The following EXOC6 variants were observed in gnomAD, a reference collection of about 807,000 sequenced individuals.
EXOC6 encodes exocyst complex component 6.
Under a neutral mutation model 112.5 loss-of-function variants are expected in EXOC6, and 60 were observed. The observed-to-expected ratio is 0.53, with a 90% CI of 0.43 to 0.66. EXOC6 has a LOEUF of 0.66. Among genes scored for constraint, EXOC6 ranks in the 30% least tolerant of loss-of-function variants. EXOC6 has a pLI of 0.00. For missense variants in EXOC6, 855 were observed against 957.1 expected, an observed-to-expected ratio of 0.89 and a Z score of 1.41; for synonymous variants, 295 against 308.0, an observed-to-expected ratio of 0.96 and a Z score of 0.44.
intron 17 of EXOC6, among the ~76,000 whole-genome samples, chr10:92,965,505 A>AGAC (rs1842008602): frequency 6.6e-6 from 1 of 152,196 alleles, no homozygotes; most frequent in African/African-American, 2.4e-5. Flanking sequence ...GCTGACTAGA[A>AGAC]TGTCAAGAGT....
chr10:92,836,857 A>G (rs1846674590), intron 1 of EXOC6, among the ~76,000 whole-genome samples: 1 of 151,716 alleles, frequency 6.6e-6, no homozygotes, highest in South Asian at 2.1e-4. Context: ...GTCAAACTAG[A>G]CTCTGCTATT....
intron 1 of EXOC6, among the ~76,000 whole-genome samples, chr10:92,829,307 T>C (rs1846434807): frequency 6.6e-6 from 1 of 152,188 alleles, no homozygotes; most frequent in African/African-American, 2.4e-5. Flanking sequence ...TCCTCAAGCC[T>C]GTCTATAAAA....
At chr10:93,011,461 A>G (rs1028846969) in intron 19 of EXOC6, among the ~76,000 whole-genome samples, 5 of 151,840 alleles carry the variant, frequency 3.3e-5, no homozygotes, top group Middle Eastern at 3.2e-3. Flanking sequence ...GGGCCTTGCT[A>G]TGTTGCCCAG....
At chr10:92,899,016 A>G (rs1393627532) in intron 4 of EXOC6, among the ~76,000 whole-genome samples, 1 of 152,292 alleles carries the variant, frequency 6.6e-6, no homozygotes, top group African/African-American at 2.4e-5. Context: ...AAACAATTGC[A>G]TTTGATAGAA....
intron 9 of EXOC6, among the ~76,000 whole-genome samples, chr10:92,931,115 G>GAAAAAAAAAAAAA (rs60087746): frequency 1.4e-5 from 1 of 70,614 alleles, no homozygotes; most frequent in African/African-American, 5.1e-5. Flanking sequence ...CATCTCAGAA[G>GAAAAAAAAAAAAA]AAAAAAAAAA....
chr10:92,970,459 A>G (rs554698182), intron 17 of EXOC6, among the ~76,000 whole-genome samples: 1 of 152,224 alleles, frequency 6.6e-6, no homozygotes, highest in Non-Finnish European at 1.5e-5. Flanking sequence ...GCATCTGCAG[A>G]TTTTGGTATC....
Position 92,899,644 on chromosome 10 carries a change from G to A in EXOC6, c.458G>A (p.Arg153Lys), listed in dbSNP as rs1263977687. 1 of 1,607,256 alleles carries A rather than the reference G, an allele frequency of 6.2e-7. No individual in the cohort carries two copies. The highest frequency in any genetic ancestry group is 8.5e-7 in the Non-Finnish European group (1 of 1,176,236). ...SKLKEQMSAKRYYSALKTMEQ... is the reference protein window; with the variant it reads ...SKLKEQMSAKKYYSALKTMEQ... ...CTGAAAGAACAGATGAGTGCCAAAA[G>A]GTGAGTTGGTTTTTTTCCTATTGTT... Residue 153 changes from arginine to lysine, a missense_variant and splice_region_variant, in exon 5 of 22, where the codon AGG becomes AAG. Arg to Lys is a conservative substitution (Grantham distance 26). Around this residue, in one of 2 missense-constraint regions of EXOC6, gnomAD observed 405 missense variants for 393.6 expected, o/e 1.03. Transcript: ENST00000260762.
intron 20 of EXOC6, among the ~76,000 whole-genome samples, chr10:93,026,713 T>C (rs1437336519): frequency 6.6e-6 from 1 of 152,212 alleles, no homozygotes; most frequent in Non-Finnish European, 1.5e-5. Flanking sequence ...TGTAATTGTT[T>C]TGGGGTGCAT....
At chr10:93,029,591 G>A (rs1356475957) in intron 20 of EXOC6, among the ~76,000 whole-genome samples, 2 of 152,148 alleles carry the variant, frequency 1.3e-5, no homozygotes, top group Non-Finnish European at 2.9e-5. Flanking sequence ...TTGCTTGTCT[G>A]TTCACTCTTA....
chr10:92,948,502 T>C (rs1411758684), intron 14 of EXOC6, 123 bp downstream of exon 14: 10 of 592,190 alleles, frequency 1.7e-5, no homozygotes, highest in Admixed American at 1.1e-4. Context: ...GGCAACTTTT[T>C]GTTGTATTGA....
At chr10:92,933,309 A>G (rs1220126391) in intron 9 of EXOC6, among the ~76,000 whole-genome samples, 1 of 152,204 alleles carries the variant, frequency 6.6e-6, no homozygotes, top group African/African-American at 2.4e-5. Context: ...AACATGCTTA[A>G]TAGGCTTCAT....
chr10:92,854,699 C>T (rs1813882373), intron 1 of EXOC6, among the ~76,000 whole-genome samples: 1 of 152,106 alleles, frequency 6.6e-6, no homozygotes, highest in Admixed American at 6.6e-5. Context: ...TGGGATAAAT[C>T]CCATTTGATC....
chr10:92,925,551 T>C (rs1025030512), intron 8 of EXOC6, among the ~76,000 whole-genome samples: 2 of 152,188 alleles, frequency 1.3e-5, no homozygotes, highest in Non-Finnish European at 2.9e-5. Flanking sequence ...CTCCTCGGCC[T>C]CCCAAAGTGC....
At chr10:92,850,357 ACT>A (rs1235631032) in intron 1 of EXOC6, among the ~76,000 whole-genome samples, 15 of 152,048 alleles carry the variant, frequency 9.9e-5, no homozygotes, top group African/African-American at 3.6e-4. Flanking sequence ...GTTTGAACCC[ACT>A]CTCTTTTCTT....
chr10:92,991,234 G>A (rs1435020457), intron 18 of EXOC6, among the ~76,000 whole-genome samples: 1 of 151,156 alleles, frequency 6.6e-6, no homozygotes, highest in Admixed American at 6.6e-5. Context: ...TCAGGAGTTT[G>A]AGACCAGCCT....
chr10:92,992,287 CAAAAAAAAA>C (rs35924745), intron 18 of EXOC6, among the ~76,000 whole-genome samples: 1 of 74,212 alleles, frequency 1.3e-5, no homozygotes, highest in African/African-American at 5.3e-5. Flanking sequence ...GACTCTGTCT[CAAAAAAAAA>C]AAAAAAAAAA....
intron 20 of EXOC6, among the ~76,000 whole-genome samples, chr10:93,055,305 TA>T (rs1344449485): frequency 1.3e-5 from 2 of 152,242 alleles, no homozygotes; most frequent in Admixed American, 6.5e-5. Flanking sequence ...ATCATACAGA[TA>T]GACCTCACTA....
Position 92,939,013 on chromosome 10 carries a change from A to T in EXOC6, c.1213-1714A>T, listed in dbSNP as rs1224078575. Among the ~76,000 whole-genome samples the T allele has an allele frequency of 5.9e-5, 9 of 152,256 alleles. No homozygotes were observed. The East Asian group carries it at 1.7e-3, about 29-fold the overall frequency. On this transcript the variant is annotated intron_variant, in intron 12 of 21. Coordinates refer to ENST00000260762, the MANE Select transcript of EXOC6 (RefSeq NM_019053.6). ...CTATAGATAAAAGCATGGTGTGGTG[A>T]AAGTGAAACTGAGCAGCTTGATGGT...
upstream of EXOC6, among the ~76,000 whole-genome samples, chr10:92,832,139 C>A (rs1846504897): frequency 6.6e-6 from 1 of 152,190 alleles, no homozygotes; most frequent in Non-Finnish European, 1.5e-5. Flanking sequence ...TTCTGACAAA[C>A]ACAATCTAGA....
Sources: gnomAD v4.1 joint callset for allele counts (sites outside exome capture counted in the v4.1 genomes callset) on GRCh38, gnomAD v4.1.1 for gene constraint, gnomAD v4.1.1 regional missense constraint, MANE v1.5 for transcripts, NCBI Gene and HGNC (gene_info 2026-07-23, HGNC 2026-07-21) for gene names.